The following VRK2 variants were observed in gnomAD, a reference collection of about 807,000 sequenced individuals.
VRK2 encodes serine/threonine-protein kinase VRK2.
In VRK2, 60 loss-of-function variants were observed where a neutral mutation model predicts 57.6. That is an observed-to-expected ratio of 1.04 (90% CI 0.85 to 1.29). The LOEUF (loss-of-function observed/expected upper bound fraction) is 1.29. VRK2 is among the 50% of genes most tolerant of loss of function. The pLI is 0.00. For missense variants in VRK2, 705 were observed against 588.1 expected (o/e 1.20, Z -2.06); for synonymous variants, 231 against 199.2 (o/e 1.16, Z -1.35).
chr2:58,141,179 T>A (rs1160345187), intron 11 of VRK2, among the ~76,000 whole-genome samples: 1 of 152,042 alleles, frequency 6.6e-6, no homozygotes, highest in East Asian at 1.9e-4. Flanking sequence ...AAAGAGCCAT[T>A]TCCTTGACGT....
At chr2:58,116,542 C>G (rs952871683) in intron 7 of VRK2, among the ~76,000 whole-genome samples, 1 of 151,986 alleles carries the variant, frequency 6.6e-6, no homozygotes, top group Non-Finnish European at 1.5e-5. Flanking sequence ...GAAACAGGCC[C>G]TTGAAAAGAA....
intron 1 of VRK2, among the ~76,000 whole-genome samples, chr2:57,942,325 T>G (rs1425928332): frequency 6.6e-6 from 1 of 152,214 alleles, no homozygotes; most frequent in Non-Finnish European, 1.5e-5. Flanking sequence ...ATAAAAATTA[T>G]GCAGAGGAAG....
chr2:58,021,540 G>C (rs115616117), intron 1 of VRK2, among the ~76,000 whole-genome samples: 1 of 152,078 alleles, frequency 6.6e-6, no homozygotes, highest in East Asian at 1.9e-4. Flanking sequence ...TACTATGACC[G>C]TTTATCTGGG....
chr2:58,069,402 A>G (rs915634631), intron 2 of VRK2, among the ~76,000 whole-genome samples: 1 of 152,144 alleles, frequency 6.6e-6, no homozygotes, highest in Non-Finnish European at 1.5e-5. Flanking sequence ...GTTTATAAAC[A>G]ACTTGTTGTG....
At chr2:58,032,632 C>A (rs1233112057) in intron 2 of VRK2, among the ~76,000 whole-genome samples, 1 of 152,102 alleles carries the variant, frequency 6.6e-6, no homozygotes, top group Non-Finnish European at 1.5e-5. Flanking sequence ...AATGCAAAAT[C>A]TTGAGATAAA....
intron 1 of VRK2, among the ~76,000 whole-genome samples, chr2:57,933,868 G>T (rs1376387539): frequency 6.6e-6 from 1 of 151,938 alleles, no homozygotes; most frequent in African/African-American, 2.4e-5. Flanking sequence ...GCAATCCTTG[G>T]ATTCTCTTTG....
intron 1 of VRK2, among the ~76,000 whole-genome samples, chr2:58,022,682 C>A (rs148267174): frequency 6.6e-6 from 1 of 152,122 alleles, no homozygotes; most frequent in South Asian, 2.1e-4. Context: ...TTGAGACCAG[C>A]CCAGGCAACA....
intron 1 of VRK2, among the ~76,000 whole-genome samples, chr2:57,952,532 ACTCTGTGCC>A (rs1253175102): frequency 1.3e-5 from 2 of 152,330 alleles, no homozygotes; most frequent in South Asian, 2.1e-4. Flanking sequence ...TTTAACAAAT[ACTCTGTGCC>A]AGGAATTTTA....
intron 1 of VRK2, among the ~76,000 whole-genome samples, chr2:58,047,675 T>C (rs1675051541): frequency 6.6e-6 from 1 of 152,178 alleles, no homozygotes; most frequent in Admixed American, 6.5e-5. Context: ...CCACAAAAAC[T>C]TTTCCTGCTT....
At chr2:58,059,774 A>G (rs1197202797) in intron 2 of VRK2, among the ~76,000 whole-genome samples, 1 of 151,768 alleles carries the variant, frequency 6.6e-6, no homozygotes. Context: ...ATAATAGACA[A>G]CAGATAGTTA....
chr2:58,128,431 A>C (rs1678682106), intron 8 of VRK2, among the ~76,000 whole-genome samples: 1 of 152,100 alleles, frequency 6.6e-6, no homozygotes, highest in African/African-American at 2.4e-5. Flanking sequence ...TCCTGGGTTC[A>C]AGCAATTCTC....
At chr2:57,949,504 C>T (rs1015832659) in intron 1 of VRK2, among the ~76,000 whole-genome samples, 13 of 152,220 alleles carry the variant, frequency 8.5e-5, no homozygotes, top group Admixed American at 5.2e-4. Flanking sequence ...CCATGGACCG[C>T]GCCTACATAA....
intron 1 of VRK2, among the ~76,000 whole-genome samples, chr2:57,984,391 C>T (rs1261228321): frequency 6.6e-6 from 1 of 152,058 alleles, no homozygotes; most frequent in East Asian, 1.9e-4. Flanking sequence ...GAGAAAAATA[C>T]TCAGTGACCA....
intron 11 of VRK2, among the ~76,000 whole-genome samples, chr2:58,141,534 C>T (rs756434477): frequency 1.3e-4 from 20 of 152,042 alleles, no homozygotes; most frequent in Middle Eastern, 3.4e-3. Context: ...TTAAGACCTA[C>T]GCTAATTTCT....
chr2:58,123,383 T>A, intron 8 of VRK2, 150 bp downstream of exon 8: 3 of 928,522 alleles, frequency 3.2e-6, no homozygotes, highest in Non-Finnish European at 4.5e-6. Flanking sequence ...ATTCCTGTTA[T>A]GCCAATGAAT....
chr2:58,061,120 G>T (rs1224337092), intron 2 of VRK2, among the ~76,000 whole-genome samples: 1 of 151,790 alleles, frequency 6.6e-6, no homozygotes, highest in Non-Finnish European at 1.5e-5. Context: ...TGTAAGTTAT[G>T]AATGTAGAGT....
At chr2:58,000,012 G>A (rs186367820) in intron 1 of VRK2, among the ~76,000 whole-genome samples, 4 of 150,344 alleles carry the variant, frequency 2.7e-5, no homozygotes, top group Non-Finnish European at 4.5e-5. Context: ...ATGCACACAC[G>A]CACACACGCA....
intron 1 of VRK2, among the ~76,000 whole-genome samples, chr2:57,926,639 CTATTTTGTCTG>C (rs1377478316): frequency 6.6e-6 from 1 of 151,576 alleles, no homozygotes; most frequent in Non-Finnish European, 1.5e-5. Flanking sequence ...GTCTTGAAAT[CTATTTTGTCTG>C]ATAAAGCAAA....
chr2:57,917,851 AAG>A lies in VRK2; in HGVS notation c.-439+10019_-439+10020del, dbSNP rs1305603075. 3.9e-5 allele frequency among the ~76,000 whole-genome samples: 6 copies of A among 152,054 alleles called. No homozygotes were observed. The East Asian group carries it at 9.6e-4, about 24-fold the overall frequency. Reference sequence around the variant, plus strand: ...TTCATATGATAAAGTTTTCTTTATAAAGAGAGAGGATTTACAAGTCACACATG... The same window carrying A: ...TTCATATGATAAAGTTTTCTTTATAAAGAGAGGATTTACAAGTCACACATG... On this transcript the variant is annotated intron_variant, in intron 1 of 15. Coordinates refer to the VRK2 transcript ENST00000417641.
Sources: gnomAD v4.1 joint callset for allele counts (sites outside exome capture counted in the v4.1 genomes callset) on GRCh38, gnomAD v4.1.1 for gene constraint, MANE v1.5 for transcripts, NCBI Gene and HGNC (gene_info 2026-07-23, HGNC 2026-07-21) for gene names.